The following ZNF445 variants were observed in gnomAD, a reference collection of about 807,000 sequenced individuals.
ZNF445 encodes zinc finger protein 445, also known as zinc finger protein 168.
In ZNF445, 19 loss-of-function variants were observed where a neutral mutation model predicts 93.9. The observed-to-expected ratio is 0.20, with a 90% confidence interval of 0.14 to 0.30. The LOEUF is 0.30. Ranked by LOEUF, ZNF445 falls within the 10% of genes least tolerant of loss-of-function variation. The pLI, the probability that ZNF445 is intolerant of heterozygous loss-of-function variation, is 1.00. For synonymous variants in ZNF445, 449 were observed against 446.3 expected (o/e 1.01, Z -0.08); for missense variants, 1,058 against 1,259.4 (o/e 0.84, Z 2.42).
chr3:44,467,975 A>G (rs1204090919), intron 1 of ZNF445, among the ~76,000 whole-genome samples: 1 of 152,222 alleles, frequency 6.6e-6, no homozygotes, highest in Non-Finnish European at 1.5e-5. Flanking sequence ...TCCTCATCCT[A>G]GGACTCATTA....
intron 3 of ZNF445, chr3:44,454,912 A>C (rs1298334099): frequency 2.8e-5 from 17 of 608,856 alleles, no homozygotes; most frequent in Non-Finnish European, 4.3e-5. Context: ...TCTGGAGCTG[A>C]TATTCCTCTG....
rs1042596905 is a variant in ZNF445, at chr3:44,455,430, A to G, written c.120T>C (p.Ala40=). Residue 40 remains alanine, a synonymous_variant, in exon 3 of 8, where the codon GCT becomes GCC. Transcript: ENST00000396077. ...GGCGGTTGAGAGTCTGTGGCCTGGC[A>G]GCCTGCACTGGAGTATAGCTTTCAT... ...EEDESYTPVQ[A]ARPQTLNRPG... 1.9e-6 allele frequency: 3 copies of G among 1,614,204 alleles called. No individual in the cohort carries two copies. In the African/African-American group the frequency reaches 4.0e-5, roughly 22 times the overall value.
intron 2 of ZNF445, among the ~76,000 whole-genome samples, chr3:44,457,846 C>CA: frequency 6.6e-6 from 1 of 151,510 alleles, no homozygotes; most frequent in African/African-American, 2.4e-5. Flanking sequence ...ACTAAAAATA[C>CA]AAAAAATACA....
intron 7 of ZNF445, 68 bp from the exon 8 acceptor site, chr3:44,448,807 G>C: frequency 2.6e-6 from 4 of 1,520,736 alleles, no homozygotes; most frequent in Non-Finnish European, 3.5e-6. Context: ...AAGCACCAAA[G>C]GGCAATAAAA....
Position 44,449,639 on chromosome 3 carries a change from G to C in ZNF445, c.821-16C>G, listed in dbSNP as rs200730905. ...AATGGTCCCACTGCAGAAGAGAAGA[G>C]AATGGCATGAGAAGGGAGATGGATG... On this transcript the variant is annotated splice_polypyrimidine_tract_variant and intron_variant, in intron 6 of 7. Coordinates refer to ENST00000396077, the MANE Select transcript of ZNF445 (RefSeq NM_181489.6). 5.6e-6 allele frequency: 9 copies of C among 1,595,366 alleles called. No homozygotes were observed. The highest frequency in any genetic ancestry group is 5.0e-5 in the Admixed American group (3 of 59,966).
At chr3:44,462,553 G>GT (rs1244880536) in intron 1 of ZNF445, among the ~76,000 whole-genome samples, 2 of 152,012 alleles carry the variant, frequency 1.3e-5, no homozygotes, top group Non-Finnish European at 1.5e-5. Flanking sequence ...TTCCTGTCTG[G>GT]TTTTTTATTT....
intron 1 of ZNF445, among the ~76,000 whole-genome samples, chr3:44,474,534 C>CA (rs1207146093): frequency 6.6e-6 from 1 of 151,856 alleles, no homozygotes; most frequent in Non-Finnish European, 1.5e-5. Context: ...AAAAACAGAA[C>CA]AAACAAAAAA....
chr3:44,457,579 A>G (rs1387949296), intron 2 of ZNF445, among the ~76,000 whole-genome samples: 1 of 152,230 alleles, frequency 6.6e-6, no homozygotes, highest in Non-Finnish European at 1.5e-5. Context: ...GATTTTTGAT[A>G]AAGATGCAAA....
intron 1 of ZNF445, among the ~76,000 whole-genome samples, chr3:44,466,978 A>C (rs1350654699): frequency 6.6e-6 from 1 of 152,228 alleles, no homozygotes; most frequent in African/African-American, 2.4e-5. Context: ...TTTGTCATCC[A>C]CAGGTATTTT....
Position 44,475,795 on chromosome 3 carries a change from T to G in ZNF445, c.-269+1796A>C, listed in dbSNP as rs999690881. Among the ~76,000 whole-genome samples, 4 of 151,992 alleles carry G rather than the reference T, an allele frequency of 2.6e-5. No homozygotes were observed. The East Asian group carries it at 5.8e-4, about 22-fold the overall frequency. On this transcript the variant is annotated intron_variant, in intron 1 of 7. Coordinates refer to ENST00000396077, the MANE Select transcript of ZNF445 (RefSeq NM_181489.6). ...AGGCAGATCACCTGAGGTCGGGAGT[T>G]CGAGACCAGCCTGACCAATACGGTG...
chr3:44,459,799 A>G (rs1330369421), intron 1 of ZNF445, among the ~76,000 whole-genome samples: 1 of 152,348 alleles, frequency 6.6e-6, no homozygotes, highest in Admixed American at 6.5e-5. Context: ...ACAACTGGCT[A>G]GCCAAATTTA....
intron 3 of ZNF445, among the ~76,000 whole-genome samples, chr3:44,452,068 T>C (rs1697965542): frequency 6.6e-6 from 1 of 152,144 alleles, no homozygotes; most frequent in Non-Finnish European, 1.5e-5. Flanking sequence ...GTCTCCAGTG[T>C]AAAAAATGGC....
chr3:44,466,636 G>A (rs75210660), intron 1 of ZNF445, among the ~76,000 whole-genome samples: 1 of 151,996 alleles, frequency 6.6e-6, no homozygotes, highest in Admixed American at 6.6e-5. Flanking sequence ...TGTCATCCAC[G>A]GACAATTGTC....
intron 1 of ZNF445, among the ~76,000 whole-genome samples, chr3:44,475,004 G>A (rs9873072): frequency 0.39 from 59,368 of 151,704 alleles, 12,883 homozygotes; most frequent in East Asian, 0.86. Context: ...AGGCTAAGGA[G>A]GGATAATTGT....
intron 1 of ZNF445, among the ~76,000 whole-genome samples, chr3:44,458,657 G>T (rs532651641): frequency 6.6e-6 from 1 of 152,190 alleles, no homozygotes; most frequent in East Asian, 1.9e-4. Context: ...CTCAGAAGCA[G>T]GGCTCAGAAA....
rs2125673294 is a variant in ZNF445, at chr3:44,435,862, C to T, written c.*10713G>A. On this transcript the variant is annotated 3_prime_UTR_variant, in exon 8 of 8. Transcript: ENST00000396077. ...CTCCATACACTCTTACTCTGAGGAA[C>T]CATGGTGGCATTTTGAGTCTCCTGT... 3 of 152,252 alleles carry T rather than the reference C, an allele frequency of 2.0e-5. No homozygotes were observed. The highest frequency in any genetic ancestry group is 3.4e-3 in the Middle Eastern group (1 of 294). The allele number at this position is 152,252 out of a possible 1,614,324, so 9.4% of individuals were successfully genotyped here.
intron 1 of ZNF445, among the ~76,000 whole-genome samples, chr3:44,473,990 T>C (rs1364120658): frequency 6.6e-6 from 1 of 152,162 alleles, no homozygotes; most frequent in African/African-American, 2.4e-5. Flanking sequence ...CTAGAAGGAA[T>C]GAAGGAAAGA....
Position 44,437,928 on chromosome 3 carries a change from G to C in ZNF445, c.*8647C>G, listed in dbSNP as rs757416728. ...AGAGGGTAGGAATGCCTAACTTTCT[G>C]AGAATGCAGGCCAGTAAGTCTCAGC... On this transcript the variant is annotated 3_prime_UTR_variant, in exon 8 of 8. Transcript: ENST00000396077. 6.6e-6 allele frequency: 1 copy of C among 152,638 alleles called. No individual in the cohort carries two copies. Among genetic ancestry groups the C allele is most frequent in the Non-Finnish European group, 1.5e-5 (1 of 68,014 alleles). The allele number at this position is 152,638 out of a possible 1,614,324, so 9.5% of individuals were successfully genotyped here.
rs746374638 is a variant in ZNF445 at position 44,450,887 on chromosome 3, G to A, written c.674C>T (p.Ser225Phe). The A allele has an allele frequency of 6.3e-6, 10 of 1,589,954 alleles. No homozygotes were observed. The highest frequency in any genetic ancestry group is 5.4e-5 in the Admixed American group (3 of 56,036). Residue 225 changes from serine to phenylalanine, a missense_variant, in exon 5 of 8, where the codon TCC becomes TTC. Physicochemically the swap from Ser to Phe is radical, Grantham distance 155. This residue lies in a region of ZNF445 where 657 missense variants were observed against 746.4 expected (regional missense o/e 0.88). Transcript: ENST00000396077. ...GCTCACCTGGAGCTGGGCTGTCAGG[G>A]ACCTGGTTGGTGTTACCTGGTCTCC... ...CPGDQVTPTRSLTAQLQETMT... is the reference protein window; with the variant it reads ...CPGDQVTPTRFLTAQLQETMT...
Sources: allele counts gnomAD v4.1 joint callset (sites outside exome capture counted in the v4.1 genomes callset), GRCh38; gene constraint gnomAD v4.1.1; regional missense constraint gnomAD v4.1.1; transcripts MANE v1.5; gene names NCBI Gene and HGNC (gene_info 2026-07-23, HGNC 2026-07-21).